The following PLXNA2 variants were observed in gnomAD, a reference collection of about 807,000 sequenced individuals.
The protein encoded by PLXNA2 is plexin-A2.
A neutral mutation model predicts 193.5 loss-of-function variants in PLXNA2; 91 were observed. The ratio of observed to expected loss-of-function variants is 0.47; its 90% CI spans 0.40 to 0.56. The LOEUF is 0.56. Ranked by LOEUF, PLXNA2 falls within the 20% of genes least tolerant of loss-of-function variation. The pLI is 0.00. For synonymous variants in PLXNA2, 997 were observed against 1,027.3 expected (o/e 0.97, Z 0.56); for missense variants, 1,995 against 2,503.2 (o/e 0.80, Z 4.33).
intron 4 of PLXNA2, among the ~76,000 whole-genome samples, chr1:208,122,606 C>G (rs1558203693): frequency 6.6e-6 from 1 of 151,960 alleles, no homozygotes; most frequent in Non-Finnish European, 1.5e-5. Context: ...TTTCAGCTTC[C>G]TAGGGTTAAG....
intron 3 of PLXNA2, among the ~76,000 whole-genome samples, chr1:208,206,379 C>T (rs866847372): frequency 6.6e-5 from 10 of 152,362 alleles, no homozygotes; most frequent in Middle Eastern, 3.4e-3. Context: ...GTCAACCTCA[C>T]GGTTCGCTAA....
intron 4 of PLXNA2, among the ~76,000 whole-genome samples, chr1:208,137,691 A>T (rs148822116): frequency 2.0e-3 from 301 of 152,328 alleles, no homozygotes; most frequent in African/African-American, 7.0e-3. Flanking sequence ...CCGGTCTTAG[A>T]TCTATTAACA....
intron 1 of PLXNA2, among the ~76,000 whole-genome samples, chr1:208,223,376 T>A (rs935592387): frequency 3.9e-5 from 6 of 152,080 alleles, no homozygotes; most frequent in African/African-American, 1.4e-4. Flanking sequence ...CCATTGTAGG[T>A]GGAAGGGTCC....
Position 208,229,590 on chromosome 1 carries a change from G to T in PLXNA2, c.-80-11588C>A, listed in dbSNP as rs979670872. ...AGTGAAGAAGGAGGTAAATGATTTA[G>T]GAAGGATCCTGGCTATTATTTGCCT... On this transcript the variant is annotated intron_variant, in intron 1 of 31. Coordinates refer to ENST00000367033, the MANE Select transcript of PLXNA2 (RefSeq NM_025179.4). 2.6e-5 allele frequency among the ~76,000 whole-genome samples: 4 copies of T among 152,190 alleles called. No homozygotes were observed. In the East Asian group the frequency reaches 7.7e-4, roughly 29 times the overall value.
intron 4 of PLXNA2, among the ~76,000 whole-genome samples, chr1:208,118,927 C>T (rs900754118): frequency 2.6e-5 from 4 of 152,152 alleles, no homozygotes; most frequent in Admixed American, 6.5e-5. Context: ...TAGCATCGAG[C>T]TGTGCTTATT....
rs1665602141 is a variant in PLXNA2, at chr1:208,060,976, G to A, written c.2587-139C>T. 6.1e-6 allele frequency: 4 copies of A among 661,100 alleles called. No homozygotes were observed. In the East Asian group the frequency reaches 1.2e-4, roughly 19 times the overall value. The allele number at this position is 661,100 out of a possible 1,614,324, so 41.0% of individuals were successfully genotyped here. On this transcript the variant is annotated intron_variant, in intron 12 of 31. Coordinates refer to ENST00000367033, the MANE Select transcript of PLXNA2 (RefSeq NM_025179.4). The stretch of plus-strand genomic sequence containing the variant: ...CCACCAGGAATTCTGGTGAGTGAGT[G>A]CGTTTTGTCCACTTTTTAGCTTATC...
intron 3 of PLXNA2, among the ~76,000 whole-genome samples, chr1:208,184,197 T>C (rs1347302479): frequency 6.6e-6 from 1 of 152,036 alleles, no homozygotes; most frequent in African/African-American, 2.4e-5. Context: ...AGAGGATAGA[T>C]GTGGGGTGGG....
At chr1:208,102,152 A>G (rs1053759987) in intron 5 of PLXNA2, among the ~76,000 whole-genome samples, 2 of 152,144 alleles carry the variant, frequency 1.3e-5, no homozygotes, top group African/African-American at 4.8e-5. Context: ...TCCAGTCCAG[A>G]TTTTGCATCT....
intron 3 of PLXNA2, among the ~76,000 whole-genome samples, chr1:208,186,796 T>C (rs1670020316): frequency 2.0e-5 from 3 of 149,814 alleles, no homozygotes; most frequent in Non-Finnish European, 4.4e-5. Context: ...CTCGGCTCAC[T>C]GCAAGCTCCG....
chr1:208,100,175 G>C (rs1236946158), intron 5 of PLXNA2, among the ~76,000 whole-genome samples: 4 of 151,950 alleles, frequency 2.6e-5, no homozygotes, highest in Non-Finnish European at 5.9e-5. Context: ...ATGAGTTCAA[G>C]ACCAACCTGG....
At chr1:208,147,449 T>TA (rs58453088) in intron 3 of PLXNA2, among the ~76,000 whole-genome samples, 1 of 151,816 alleles carries the variant, frequency 6.6e-6, no homozygotes. Context: ...TAACCCCTTT[T>TA]TTTCATGGTT....
intron 17 of PLXNA2, among the ~76,000 whole-genome samples, chr1:208,049,631 A>C (rs921334022): frequency 6.6e-6 from 1 of 152,140 alleles, no homozygotes; most frequent in African/African-American, 2.4e-5. Context: ...GATGTTTGGG[A>C]TCCACCTTGG....
intron 1 of PLXNA2, among the ~76,000 whole-genome samples, chr1:208,232,128 G>A (rs1671711520): frequency 1.3e-5 from 2 of 152,224 alleles, no homozygotes; most frequent in Admixed American, 6.5e-5. Context: ...TGGGAAGGAG[G>A]GCTGGGGAGG....
Position 208,217,315 on chromosome 1 carries a change from A to G in PLXNA2, c.608T>C (p.Leu203Pro). The G allele has an allele frequency of 6.2e-7, 1 of 1,614,182 alleles. No individual in the cohort carries two copies. Among genetic ancestry groups the G allele is most frequent in the Non-Finnish European group, 8.5e-7 (1 of 1,180,028 alleles). Residue 203 changes from leucine to proline, a missense_variant, in exon 2 of 32, where the codon CTG becomes CCG. Leu to Pro is a moderately conservative substitution (Grantham distance 98). Coordinates refer to ENST00000367033, the MANE Select transcript of PLXNA2 (RefSeq NM_025179.4). The surrounding 1 kb of genome is among the most constrained non-coding windows in gnomAD (Gnocchi z 4.7). Reference protein sequence around the residue: ...DYFPTLSSRKLPRDPESSAML... With the variant: ...DYFPTLSSRKPPRDPESSAML... ...GGCTGAGGACTCAGGGTCTCGGGGC[A>G]GCTTCCGGCTGGACAGGGTCGGGAA...
At chr1:208,054,821 C>T (rs1046265990) in intron 13 of PLXNA2, among the ~76,000 whole-genome samples, 7 of 152,312 alleles carry the variant, frequency 4.6e-5, no homozygotes, top group African/African-American at 1.7e-4. Context: ...TTCTGTGGTT[C>T]CCCATGCCTA....
Position 208,098,858 on chromosome 1 carries a change from C to T in PLXNA2, c.1719G>A (p.Glu573=), listed in dbSNP as rs1667001766. 1 of 1,613,664 alleles carries T rather than the reference C, an allele frequency of 6.2e-7. No individual in the cohort carries two copies. The highest frequency in any genetic ancestry group is 8.5e-7 in the Non-Finnish European group (1 of 1,179,928). Residue 573 remains glutamate, a synonymous_variant, in exon 6 of 32, where the codon GAG becomes GAA. Coordinates refer to ENST00000367033, the MANE Select transcript of PLXNA2 (RefSeq NM_025179.4). ...ATGAGTTACTTACCAACCGGCTGTG[C>T]TCAGATACTGAGATGCTGCTGGGAT... ...AVHPSSISVS[E]HSRLLSLVVS...
chr1:208,079,606 T>G (rs1666269690), intron 11 of PLXNA2, among the ~76,000 whole-genome samples, 156 bp from the exon 12 acceptor site: 1 of 152,208 alleles, frequency 6.6e-6, no homozygotes, highest in African/African-American at 2.4e-5. Flanking sequence ...GAGGAATTAG[T>G]AAATTGAGCC....
At chr1:208,067,681 G>A (rs1665842552) in intron 12 of PLXNA2, among the ~76,000 whole-genome samples, 1 of 152,198 alleles carries the variant, frequency 6.6e-6, no homozygotes, top group African/African-American at 2.4e-5. Context: ...GTCACATGCA[G>A]TACAGGTTTG....
chr1:208,098,962 G>A lies in PLXNA2; in HGVS notation c.1615C>T (p.Arg539Cys), dbSNP rs746356521. The stretch of plus-strand genomic sequence containing the variant: ...CAGGCCTGTTGGCATTTGTCCCTGC[G>A]GGAGCACCTGCCATAAACACAGATT... ...GWCALHNMCS[R>C]RDKCQQAWEP... is the part of the protein sequence containing the mutation. The change falls in exon 6 of 32, where the codon CGC becomes TGC. Residue 539 changes from arginine (R) to cysteine (C), a missense_variant. By Grantham distance (180) the Arg-to-Cys change is radical. This residue lies in a region of PLXNA2 where 702 missense variants were observed against 812.9 expected (regional missense o/e 0.86). Transcript: ENST00000367033. 11 of 1,611,960 alleles carry A rather than the reference G, an allele frequency of 6.8e-6. No individual in the cohort carries two copies. The highest frequency in any genetic ancestry group is 1.7e-5 in the Admixed American group (1 of 59,850).
Sources: allele counts gnomAD v4.1 joint callset (sites outside exome capture counted in the v4.1 genomes callset), GRCh38; gene constraint gnomAD v4.1.1; regional missense constraint gnomAD v4.1.1; non-coding constraint Gnocchi (gnomAD v3.1); transcripts MANE v1.5; gene names NCBI Gene and HGNC (gene_info 2026-07-23, HGNC 2026-07-21).